The following AHDC1 variants were observed in gnomAD, a reference collection of about 807,000 sequenced individuals.
AHDC1 encodes the protein transcription factor Gibbin.
In AHDC1, 7 loss-of-function variants were observed where a neutral mutation model predicts 87.9. The ratio of observed to expected loss-of-function variants is 0.08; its 90% CI spans 0.05 to 0.15. The LOEUF is 0.15. Among genes scored for constraint, AHDC1 ranks in the 10% least tolerant of loss-of-function variants. The pLI, the probability that AHDC1 is intolerant of heterozygous loss-of-function variation, is 1.00. For synonymous variants in AHDC1, 1,051 were observed against 1,006.8 expected (o/e 1.04, Z -0.83); for missense variants, 1,841 against 2,253.2 (o/e 0.82, Z 3.70).
intron 3 of AHDC1, among the ~76,000 whole-genome samples, chr1:27,587,899 T>C (rs1330499667): frequency 6.6e-6 from 1 of 152,122 alleles, no homozygotes; most frequent in Non-Finnish European, 1.5e-5. Flanking sequence ...TAACCCTAAT[T>C]GAATCTCCTC....
At chr1:27,582,046 C>T (rs1042672061) in intron 3 of AHDC1, among the ~76,000 whole-genome samples, 10 of 152,222 alleles carry the variant, frequency 6.6e-5, no homozygotes, top group African/African-American at 2.4e-4. Flanking sequence ...ACCCTGATTC[C>T]GCCAGACCAG....
chr1:27,599,789 C>T (rs2089480893), intron 3 of AHDC1, among the ~76,000 whole-genome samples: 1 of 152,092 alleles, frequency 6.6e-6, no homozygotes, highest in Admixed American at 6.5e-5. Flanking sequence ...CAGCTCTGTT[C>T]CAGGCATTTG....
intron 8 of AHDC1, among the ~76,000 whole-genome samples, chr1:27,543,395 C>T (rs1287968511): frequency 6.6e-6 from 1 of 152,236 alleles, no homozygotes; most frequent in Non-Finnish European, 1.5e-5. Context: ...TTGCTTGACC[C>T]GTTCTGTTCC....
chr1:27,578,428 A>C (rs2088817785), intron 3 of AHDC1, among the ~76,000 whole-genome samples: 1 of 151,842 alleles, frequency 6.6e-6, no homozygotes, highest in Non-Finnish European at 1.5e-5. Context: ...ATCTCTACAA[A>C]AAATACAAAA....
At position 27,593,152 on chromosome 1, in the gene AHDC1, G is replaced by A. The variant is rs974603797; in HGVS notation, c.-629+10245C>T. ...TGTCTCCTCAGGGAAGGCCCCTAGG[G>A]TCCCGGGCTCCCTCCAGGGCTGGCT... is the stretch of plus-strand genomic sequence containing the variant. On this transcript the variant is annotated intron_variant, in intron 3 of 8. Transcript: ENST00000673934. This position sits in a 1 kb window ranked among gnomAD's most constrained non-coding sequence, Gnocchi z 4.9. Among the ~76,000 whole-genome samples, 60 of 152,204 alleles carry A rather than the reference G, an allele frequency of 3.9e-4. No homozygotes were observed. Among genetic ancestry groups the A allele is most frequent in the African/African-American group, 1.4e-3 (57 of 41,522 alleles).
chr1:27,551,004 T>C lies in AHDC1; in HGVS notation c.1112A>G (p.His371Arg), dbSNP rs1248977449. 1 of 1,572,398 alleles carries C rather than the reference T, an allele frequency of 6.4e-7. No individual in the cohort carries two copies. The highest frequency in any genetic ancestry group is 1.1e-5 in the South Asian group (1 of 86,968). ...GTGACCCTCAGGCCCGGGGGGGCCGTGCGGTGAGCACAAGTCCAGGCGCAA... is the reference window on the plus strand; with the variant it reads ...GTGACCCTCAGGCCCGGGGGGGCCGCGCGGTGAGCACAAGTCCAGGCGCAA... ...EPLRLDLCSP[H>R]GPPGPEGHPK... The change falls in exon 8 of 9, where the codon CAC becomes CGC. Residue 371 changes from histidine (H) to arginine (R), a missense_variant. Transcript: ENST00000673934.
Position 27,552,329 on chromosome 1 carries a change from A to G in AHDC1, c.-74-140T>C, listed in dbSNP as rs867725011. On this transcript the variant is annotated intron_variant, in intron 7 of 8. Transcript: ENST00000673934. ...AGCTCCCCTCCCCACCCCAAGCCCC[A>G]TCCCCTTGCTGACTCCCAGCCTTTC... 261 of 742,756 alleles carry G rather than the reference A, an allele frequency of 3.5e-4. 1 individual carries two copies. The African/African-American group carries it at 4.5e-3, about 13-fold the overall frequency. 46.0% of individuals were successfully genotyped at this position (742,756 alleles called of 1,614,324 possible).
chr1:27,550,541 GTTC>G lies in AHDC1; in HGVS notation c.1572_1574del (p.Lys524del). 1 of 1,612,782 alleles carries G rather than the reference GTTC, an allele frequency of 6.2e-7. No homozygotes were observed. Among genetic ancestry groups the G allele is most frequent in the Non-Finnish European group, 8.5e-7 (1 of 1,179,152 alleles). ...AGACCACTACCACGTTCCGCCCATT[GTTC>G]TTCATCTTCAGCAGCGGGGTGGGCT... On this transcript the variant is annotated inframe_deletion, in exon 8 of 9. Transcript: ENST00000673934.
Position 27,551,243 on chromosome 1 carries a change from G to A in AHDC1, c.873C>T (p.Leu291=), listed in dbSNP as rs758776352. ...GGGGTGGCAGCTCCAGAGCTTCCCC[G>A]AGCGGCTCTAGTGCCTGCGGGTCCA... ...RFLDPQALEP[L]GEALELPPLQ... The change falls in exon 8 of 9, where the codon CTC becomes CTT. Residue 291 remains leucine, a synonymous_variant. Transcript: ENST00000673934. 7 of 1,609,714 alleles carry A rather than the reference G, an allele frequency of 4.3e-6. No individual in the cohort carries two copies. Among genetic ancestry groups the A allele is most frequent in the East Asian group, 2.2e-5 (1 of 44,854 alleles).
At chr1:27,572,142 G>A (rs187384038) in intron 3 of AHDC1, among the ~76,000 whole-genome samples, 1 of 152,232 alleles carries the variant, frequency 6.6e-6, no homozygotes, top group Admixed American at 6.5e-5. Flanking sequence ...TGGTCCAGAC[G>A]GGGTGGAATT....
rs1316058808 is a variant in AHDC1 at position 27,561,827 on chromosome 1, C to T, written c.-628-2944G>A. Among the ~76,000 whole-genome samples, 2 of 151,848 alleles carry T rather than the reference C, an allele frequency of 1.3e-5. No individual in the cohort carries two copies. Among genetic ancestry groups the T allele is most frequent in the East Asian group, 1.9e-4 (1 of 5,194 alleles). ...ACAGAGAAAGACAGAAACTGGAAGA[C>T]GGGCACGCACAAACACAAAAGCAGA... On this transcript the variant is annotated intron_variant, in intron 3 of 8. Transcript: ENST00000673934. The surrounding 1 kb of genome is among the most constrained non-coding windows in gnomAD (Gnocchi z 4.2).
intron 3 of AHDC1, among the ~76,000 whole-genome samples, chr1:27,570,022 G>T (rs2020498792): frequency 6.6e-6 from 1 of 152,042 alleles, no homozygotes. Context: ...GGACCCAAAG[G>T]GGGCTGGAGT....
chr1:27,590,800 T>C lies in AHDC1; in HGVS notation c.-629+12597A>G, dbSNP rs1198638241. 6.6e-6 allele frequency among the ~76,000 whole-genome samples: 1 copy of C among 152,154 alleles called. No homozygotes were observed. The highest frequency in any genetic ancestry group is 1.9e-4 in the East Asian group (1 of 5,196). ...CTTAATGCTGCCTAGCAATAGTGGC[T>C]GCAGCTCTTTCTTTCTCGTGGGAGG... is the stretch of plus-strand genomic sequence containing the variant. On this transcript the variant is annotated intron_variant, in intron 3 of 8. Coordinates refer to ENST00000673934, the MANE Select transcript of AHDC1 (RefSeq NM_001371928.1). This position sits in a 1 kb window ranked among gnomAD's most constrained non-coding sequence, Gnocchi z 5.4.
rs2019229772 is a variant in AHDC1 at position 27,547,473 on chromosome 1, A to G, written c.4643T>C (p.Leu1548Pro). 2 of 1,598,570 alleles carry G rather than the reference A, an allele frequency of 1.3e-6. No individual in the cohort carries two copies. Among genetic ancestry groups the G allele is most frequent in the Admixed American group, 1.7e-5 (1 of 59,546 alleles). Residue 1548 changes from leucine to proline, a missense_variant, in exon 8 of 9, where the codon CTG becomes CCG. This residue lies in a region of AHDC1 where 505 missense variants were observed against 626.2 expected (regional missense o/e 0.81). Coordinates refer to ENST00000673934, the MANE Select transcript of AHDC1 (RefSeq NM_001371928.1). This position sits in a 1 kb window ranked among gnomAD's most constrained non-coding sequence, Gnocchi z 4.9. ...YGCPLLSDLT[L>P]SPVPRDSLLP... ...CAGCGAGTCCCTCGGCACGGGGGAC[A>G]GGGTCAAGTCACTAAGGAGTGGGCA...
chr1:27,564,493 C>T (rs547045046), intron 3 of AHDC1, among the ~76,000 whole-genome samples: 1 of 152,274 alleles, frequency 6.6e-6, no homozygotes, highest in East Asian at 1.9e-4. Context: ...TAAAGTGGGC[C>T]GCTCCTCAAG....
At position 27,551,702 on chromosome 1, in the gene AHDC1, C is replaced by T. The variant is rs781657181; in HGVS notation, c.414G>A (p.Leu138=). Residue 138 remains leucine, a synonymous_variant, in exon 8 of 9, where the codon CTG becomes CTA. Transcript: ENST00000673934. The part of the protein sequence containing the change: ...MKDLTRLSQD[L]QHSGVHLDCG... ...AGTCCAGGTGTACACCACTGTGCTG[C>T]AGGTCCTGGGAGAGGCGTGTCAGGT... 2.5e-6 allele frequency: 4 copies of T among 1,613,792 alleles called. No homozygotes were observed. In the East Asian group the frequency reaches 8.9e-5, roughly 36 times the overall value.
chr1:27,596,625 T>C (rs957939565), intron 3 of AHDC1, among the ~76,000 whole-genome samples: 1 of 151,976 alleles, frequency 6.6e-6, no homozygotes, highest in Non-Finnish European at 1.5e-5. Context: ...TACACCCTCA[T>C]ATCTGCATAG....
intron 3 of AHDC1, among the ~76,000 whole-genome samples, chr1:27,572,777 T>G (rs185823663): frequency 6.6e-6 from 1 of 152,236 alleles, no homozygotes; most frequent in Non-Finnish European, 1.5e-5. Context: ...TGGATGTTTC[T>G]TCCTCCCTCC....
rs1172125099 is a variant in AHDC1, at chr1:27,561,795, CAGAG to C, written c.-628-2916_-628-2913del. On this transcript the variant is annotated intron_variant, in intron 3 of 8. Coordinates refer to ENST00000673934, the MANE Select transcript of AHDC1 (RefSeq NM_001371928.1). The surrounding 1 kb of genome is among the most constrained non-coding windows in gnomAD (Gnocchi z 4.2). ...AGAGACATGGGGAGAGAAACAGAGA[CAGAG>C]AGACAGAGAAAGACAGAAACTGGAA... 4.0e-5 allele frequency among the ~76,000 whole-genome samples: 6 copies of C among 151,718 alleles called. No individual in the cohort carries two copies. Among genetic ancestry groups the C allele is most frequent in the Non-Finnish European group, 7.4e-5 (5 of 67,928 alleles).
Sources: gnomAD v4.1 joint callset for allele counts (sites outside exome capture counted in the v4.1 genomes callset) on GRCh38, gnomAD v4.1.1 for gene constraint, gnomAD v4.1.1 regional missense constraint, Gnocchi (gnomAD v3.1) non-coding constraint, MANE v1.5 for transcripts, NCBI Gene and HGNC (gene_info 2026-07-23, HGNC 2026-07-21) for gene names.